The following CARMIL2 variants were observed in gnomAD, a reference collection of about 807,000 sequenced individuals.
CARMIL2 encodes the protein capping protein, Arp2/3 and myosin-I linker protein 2.
CARMIL2 carries 96 observed loss-of-function variants against 173.3 expected under a neutral mutation model. The ratio of observed to expected loss-of-function variants is 0.55; its 90% CI spans 0.47 to 0.66. CARMIL2 has a LOEUF of 0.66. Ranked by LOEUF, CARMIL2 falls within the 30% of genes least tolerant of loss-of-function variation. The probability of loss-of-function intolerance (pLI) is 0.00; values close to 1 mark genes in which losing one functional copy is unlikely to be tolerated. For missense variants in CARMIL2, 1,771 were observed against 1,906.7 expected (o/e 0.93, Z 1.33); for synonymous variants, 830 against 817.1 (o/e 1.02, Z -0.27).
At position 67,648,089 on chromosome 16, in the gene CARMIL2, C is replaced by G. The variant is rs903777283; in HGVS notation, c.1109C>G (p.Ser370Trp). ...YSFLSRPNVLSFLNLAGTDTA... is the reference protein window; with the variant it reads ...YSFLSRPNVLWFLNLAGTDTA... ...TTCCTGAGCCGTCCTAACGTACTGT[C>G]GTTCCTGAATCTCGCAGGCACCGAC... The change falls in exon 14 of 38, where the codon TCG (serine) becomes TGG (tryptophan). Residue 370 changes from serine to tryptophan, a missense_variant. By Grantham distance (177) the Ser-to-Trp change is radical. Around this residue, in one of 3 missense-constraint regions of CARMIL2, gnomAD observed 944 missense variants for 975.6 expected, o/e 0.97. Coordinates refer to ENST00000334583, the MANE Select transcript of CARMIL2 (RefSeq NM_001013838.3). The surrounding 1 kb of genome is among the most constrained non-coding windows in gnomAD (Gnocchi z 6.1). The G allele has an allele frequency of 1.2e-6, 2 of 1,612,718 alleles. No homozygotes were observed. Among genetic ancestry groups the G allele is most frequent in the Admixed American group, 1.7e-5 (1 of 59,832 alleles).
Position 67,646,711 on chromosome 16 carries a change from C to T in CARMIL2, c.467-3C>T. The T allele has an allele frequency of 1.9e-6, 3 of 1,613,972 alleles. No homozygotes were observed. In the South Asian group the frequency reaches 3.3e-5, roughly 18 times the overall value. ...CCACATCGCACCCCTATCCCCTCCC[C>T]AGGTGGCTTCTTGGAGACATACGAG... On this transcript the variant is annotated splice_polypyrimidine_tract_variant and splice_region_variant and intron_variant, in intron 6 of 37. Coordinates refer to ENST00000334583, the MANE Select transcript of CARMIL2 (RefSeq NM_001013838.3). This position sits in a 1 kb window ranked among gnomAD's most constrained non-coding sequence, Gnocchi z 4.6.
chr16:67,654,140 G>GC lies in CARMIL2; in HGVS notation c.3121-3dup, dbSNP rs775625315. ...CAACCCTGACCCCTGACCCCATGATGCCCCCCAGGTACCCCCAGCCTTGCC... is the reference window on the plus strand; with the variant it reads ...CAACCCTGACCCCTGACCCCATGATGCCCCCCCAGGTACCCCCAGCCTTGCC... On this transcript the variant is annotated splice_polypyrimidine_tract_variant and intron_variant, in intron 29 of 37. Coordinates refer to ENST00000334583, the MANE Select transcript of CARMIL2 (RefSeq NM_001013838.3). 3.2e-5 allele frequency: 48 copies of GC among 1,511,336 alleles called. No homozygotes were observed. In the East Asian group the frequency reaches 1.1e-3, roughly 33 times the overall value. The allele number at this position is 1,511,336 out of a possible 1,614,324, so 93.6% of individuals were successfully genotyped here. A position where few individuals can be genotyped will look rare whatever the true frequency, so the allele number is the denominator to read the frequency against.
intron 22 of CARMIL2, 195 bp from the exon 23 acceptor site, chr16:67,650,992 T>G: frequency 1.8e-6 from 1 of 565,382 alleles, no homozygotes; most frequent in Non-Finnish European, 3.1e-6. Flanking sequence ...ACTTAGGAAG[T>G]GTATATAAAG....
At position 67,656,898 on chromosome 16, in the gene CARMIL2, C is replaced by G. The variant is rs1437158871; in HGVS notation, c.4117+17C>G. On this transcript the variant is annotated intron_variant, in intron 36 of 37. Coordinates refer to ENST00000334583, the MANE Select transcript of CARMIL2 (RefSeq NM_001013838.3). ...CCCCTGCTGGTGAGGGGAGACACCT[C>G]CACGTGTGCTTGAATGCAGGAGATG... 3.3e-6 allele frequency: 5 copies of G among 1,528,340 alleles called. No individual in the cohort carries two copies. The highest frequency in any genetic ancestry group is 4.4e-6 in the Non-Finnish European group (5 of 1,131,012). 94.7% of individuals were successfully genotyped at this position (1,528,340 alleles called of 1,614,324 possible). A position where few individuals can be genotyped will look rare whatever the true frequency, so the allele number is the denominator to read the frequency against.
chr16:67,646,768 G>C lies in CARMIL2; in HGVS notation c.521G>C (p.Arg174Pro). ...ALCDYNGFPFREEIQWDVDTI... is the reference protein window; with the variant it reads ...ALCDYNGFPFPEEIQWDVDTI... The stretch of plus-strand genomic sequence containing the variant: ...TGTGACTACAATGGCTTCCCTTTCC[G>C]AGAGGAGATTCAGTGGGTGAGGGTA... The change falls in exon 7 of 38, where the codon CGA (arginine) becomes CCA (proline). Residue 174 changes from arginine (R) to proline (P), a missense_variant. Coordinates refer to ENST00000334583, the MANE Select transcript of CARMIL2 (RefSeq NM_001013838.3). The surrounding 1 kb of genome is among the most constrained non-coding windows in gnomAD (Gnocchi z 4.6). The C allele has an allele frequency of 1.2e-6, 2 of 1,613,928 alleles. No homozygotes were observed. The highest frequency in any genetic ancestry group is 1.7e-6 in the Non-Finnish European group (2 of 1,179,896).
In CARMIL2 at chr16:67,654,647, G is replaced by A. The variant is rs750240269; in HGVS notation, c.3537G>A (p.Leu1179=). 2.5e-6 allele frequency: 4 copies of A among 1,587,290 alleles called. No homozygotes were observed. Among genetic ancestry groups the A allele is most frequent in the Non-Finnish European group, 3.4e-6 (4 of 1,165,320 alleles). ...ATAGCAAGGCCTACTCGATGATACT[G>A]CTGCCTGCCGAGGAGGAGGCAACGC... The part of the protein sequence containing the change: ...TRDSKAYSMI[L]LPAEEEATLG... Residue 1179 remains leucine, a synonymous_variant, in exon 31 of 38, where the codon CTG becomes CTA. Transcript: ENST00000334583.
chr16:67,647,069 T>C, intron 8 of CARMIL2, 47 bp from the exon 9 acceptor site: 1 of 1,610,924 alleles, frequency 6.2e-7, no homozygotes, highest in South Asian at 1.1e-5. Flanking sequence ...GCCTGGGACC[T>C]GGCTGGAGGG....
At position 67,645,581 on chromosome 16, in the gene CARMIL2, C is replaced by A; in HGVS notation, c.82C>A (p.Leu28Met). 1 of 1,612,646 alleles carries A rather than the reference C, an allele frequency of 6.2e-7. No individual in the cohort carries two copies. The highest frequency in any genetic ancestry group is 8.5e-7 in the Non-Finnish European group (1 of 1,179,410). ...CCTGTGGCCCAAAGAGGTGGAGCTG[C>A]TGCTGAAAACCTGGCTACCCGGGGA... ...RFLWPKEVEL[L>M]LKTWLPGEGA... Residue 28 changes from leucine to methionine, a missense_variant, in exon 2 of 38, where the codon CTG becomes ATG. This residue lies in a region of CARMIL2 where 944 missense variants were observed against 975.6 expected (regional missense o/e 0.97). Transcript: ENST00000334583.
At position 67,648,807 on chromosome 16, in the gene CARMIL2, G is replaced by A. The variant is rs1277705812; in HGVS notation, c.1509+53G>A. ...CACATTGGGAGAGGCGCTGGGAGGC[G>A]GAAGGGCAGGGCCGTGGGCCGCCTG... On this transcript the variant is annotated intron_variant, in intron 16 of 37. Coordinates refer to ENST00000334583, the MANE Select transcript of CARMIL2 (RefSeq NM_001013838.3). The surrounding 1 kb of genome is among the most constrained non-coding windows in gnomAD (Gnocchi z 6.1). 3 of 1,567,592 alleles carry A rather than the reference G, an allele frequency of 1.9e-6. No homozygotes were observed. The highest frequency in any genetic ancestry group is 1.7e-4 in the Middle Eastern group (1 of 6,002).
chr16:67,654,188 G>A lies in CARMIL2; in HGVS notation c.3160G>A (p.Ala1054Thr). The A allele has an allele frequency of 6.4e-7, 1 of 1,568,710 alleles. No individual in the cohort carries two copies. The highest frequency in any genetic ancestry group is 8.6e-7 in the Non-Finnish European group (1 of 1,157,436). ...ALPQEGNGLS[A>T]RVDEGVEEFF... is the part of the protein sequence containing the mutation. ...GCCGCAGGAAGGGAATGGGCTCAGT[G>A]CCCGCGTGGACGAGGGCGTGGAGGA... Residue 1054 changes from alanine (A) to threonine (T), a missense_variant, in exon 30 of 38, where the codon GCC becomes ACC. Ala to Thr is a moderately conservative substitution (Grantham distance 58). Around this residue, in one of 3 missense-constraint regions of CARMIL2, gnomAD observed 817 missense variants for 903.5 expected, o/e 0.90. Transcript: ENST00000334583.
intron 22 of CARMIL2, chr16:67,650,964 T>C: frequency 3.9e-6 from 2 of 516,244 alleles, no homozygotes; most frequent in Non-Finnish European, 6.9e-6. Context: ...TACAACTCCT[T>C]TCCTTCCTAT....
At position 67,654,538 on chromosome 16, in the gene CARMIL2, G is replaced by C; in HGVS notation, c.3428G>C (p.Ser1143Thr). Residue 1143 changes from serine (S) to threonine (T), a missense_variant, in exon 31 of 38, where the codon AGC becomes ACC. Ser to Thr is a moderately conservative substitution (Grantham distance 58). Around this residue, in one of 3 missense-constraint regions of CARMIL2, gnomAD observed 817 missense variants for 903.5 expected, o/e 0.90. Coordinates refer to ENST00000334583, the MANE Select transcript of CARMIL2 (RefSeq NM_001013838.3). ...CTACTGCGGCCGCCAACCCGTCCCAGCCGTGGTGAGGAGCTTGGTGGGGCT... is the reference window on the plus strand; with the variant it reads ...CTACTGCGGCCGCCAACCCGTCCCACCCGTGGTGAGGAGCTTGGTGGGGCT... ...GDLLRPPTRP[S>T]RGEELGGAEG... is the part of the protein sequence containing the mutation. The C allele has an allele frequency of 6.2e-7, 1 of 1,612,074 alleles. No individual in the cohort carries two copies. Among genetic ancestry groups the C allele is most frequent in the Non-Finnish European group, 8.5e-7 (1 of 1,179,466 alleles).
At chr16:67,656,360 G>A (rs1188599640) in intron 34 of CARMIL2, 61 bp downstream of exon 34, 4 of 1,611,836 alleles carry the variant, frequency 2.5e-6, no homozygotes, top group African/African-American at 1.3e-5. Context: ...AGTTGGGTCA[G>A]ACTGTTGTTC....
chr16:67,647,624 G>T (rs375482545), intron 11 of CARMIL2, 22 bp downstream of exon 11: 1 of 1,602,620 alleles, frequency 6.2e-7, no homozygotes, highest in Non-Finnish European at 8.5e-7. Flanking sequence ...CCTGGGGACC[G>T]CAGGGGTGGG....
intron 22 of CARMIL2, chr16:67,650,405 T>G: frequency 3.6e-6 from 2 of 553,228 alleles, no homozygotes; most frequent in African/African-American, 3.8e-5. Flanking sequence ...ATGTCCTTCC[T>G]CAATTTTCCC....
Position 67,648,054 on chromosome 16 carries a change from C to T in CARMIL2, c.1074C>T (p.Gly358=). The T allele has an allele frequency of 1.2e-6, 2 of 1,611,836 alleles. No homozygotes were observed. The highest frequency in any genetic ancestry group is 1.7e-6 in the Non-Finnish European group (2 of 1,179,128). Residue 358 remains glycine, a splice_region_variant and synonymous_variant, in exon 14 of 38, where the codon GGC becomes GGT. Coordinates refer to ENST00000334583, the MANE Select transcript of CARMIL2 (RefSeq NM_001013838.3). The surrounding 1 kb of genome is among the most constrained non-coding windows in gnomAD (Gnocchi z 6.1). The part of the protein sequence containing the change: ...GALGASEDSG[G]LYSFLSRPNV... ...TCGCACCCCTGTCCTCCCTCCAGGG[C>T]CTCTATAGCTTCCTGAGCCGTCCTA...
chr16:67,654,210 A>G lies in CARMIL2; in HGVS notation c.3182A>G (p.Glu1061Gly). 1 of 1,560,026 alleles carries G rather than the reference A, an allele frequency of 6.4e-7. No individual in the cohort carries two copies. Among genetic ancestry groups the G allele is most frequent in the Non-Finnish European group, 8.7e-7 (1 of 1,153,080 alleles). ...AGTGCCCGCGTGGACGAGGGCGTGGAGGAATTCTTCTCCAAAAGGCTGATC... is the reference window on the plus strand; with the variant it reads ...AGTGCCCGCGTGGACGAGGGCGTGGGGGAATTCTTCTCCAAAAGGCTGATC... ...GLSARVDEGV[E>G]EFFSKRLIQQ... The change falls in exon 30 of 38, where the codon GAG (glutamate) becomes GGG (glycine). Residue 1061 changes from glutamate to glycine, a missense_variant. By Grantham distance (98) the Glu-to-Gly change is moderately conservative. Around this residue, in one of 3 missense-constraint regions of CARMIL2, gnomAD observed 817 missense variants for 903.5 expected, o/e 0.90. Transcript: ENST00000334583.
rs373564341 is a variant in CARMIL2 at position 67,653,981 on chromosome 16, A to C, written c.3121-168A>C. ...CGAGTGAGGAGTGCGTGAAATCTGG[A>C]GTCTCTGTCCAGCAGCAGGACAGTA... On this transcript the variant is annotated intron_variant, in intron 29 of 37. Transcript: ENST00000334583. This position sits in a 1 kb window ranked among gnomAD's most constrained non-coding sequence, Gnocchi z 7.4. Among the ~76,000 whole-genome samples, 9 of 150,274 alleles carry C rather than the reference A, an allele frequency of 6.0e-5. No homozygotes were observed. In the East Asian group the frequency reaches 1.8e-3, roughly 30 times the overall value.
At chr16:67,655,088 A>G (rs2052815879) in intron 32 of CARMIL2, among the ~76,000 whole-genome samples, 188 bp downstream of exon 32, 1 of 152,238 alleles carries the variant, frequency 6.6e-6, no homozygotes, top group South Asian at 2.1e-4. Context: ...GGCCACCAGC[A>G]TCTCCTCTTT....
Sources: gnomAD v4.1 joint callset for allele counts (sites outside exome capture counted in the v4.1 genomes callset) on GRCh38, gnomAD v4.1.1 for gene constraint, gnomAD v4.1.1 regional missense constraint, Gnocchi (gnomAD v3.1) non-coding constraint, MANE v1.5 for transcripts, NCBI Gene and HGNC (gene_info 2026-07-23, HGNC 2026-07-21) for gene names.